Variants in PRDM1 observed in about 807,000 individuals in gnomAD.
The protein encoded by PRDM1 is PR/SET domain 1.
Under a neutral mutation model 62.8 loss-of-function variants are expected in PRDM1, and 13 were observed. The observed-to-expected ratio is 0.21, with a 90% CI of 0.13 to 0.33. The LOEUF is 0.33. Among genes scored for constraint, PRDM1 ranks in the 10% least tolerant of loss-of-function variants. PRDM1 has a pLI of 1.00. For missense variants in PRDM1, 895 were observed against 1,058.8 expected (o/e 0.85, Z 2.15); for synonymous variants, 396 against 417.6 (o/e 0.95, Z 0.63).
At position 106,101,156 on chromosome 6, in the gene PRDM1, C is replaced by A. The variant is rs146132275; in HGVS notation, c.664+1604C>A. ...CTCCTGGCTTTCTTAACATAGTGAG[C>A]CACTTCCACTTAAGGGTCTCCTTAC... On this transcript the variant is annotated intron_variant, in intron 4 of 6. Transcript: ENST00000369096. 1.1e-3 allele frequency among the ~76,000 whole-genome samples: 164 copies of A among 152,190 alleles called. 4 individuals carry two copies. The East Asian group carries it at 0.03, about 28-fold the overall frequency.
intron 1 of PRDM1, among the ~76,000 whole-genome samples, chr6:106,041,281 C>T (rs986238491): frequency 6.6e-6 from 1 of 152,146 alleles, no homozygotes; most frequent in Non-Finnish European, 1.5e-5. Context: ...TACCTGCAAA[C>T]ATTGTATTTT....
At chr6:106,002,971 T>C (rs948341112) in intron 1 of PRDM1, among the ~76,000 whole-genome samples, 6 of 151,956 alleles carry the variant, frequency 3.9e-5, no homozygotes, top group African/African-American at 1.5e-4. Flanking sequence ...ATTTTTACTT[T>C]ATTATAATGC....
chr6:106,107,322 C>A lies in PRDM1; in HGVS notation c.2314C>A (p.Leu772Met), dbSNP rs764596702. The stretch of plus-strand genomic sequence containing the variant: ...CAGAAAAGAGAAAGAAGAAACTGGC[C>A]TGAAAGTGTCTTTGCAAAGAAACAT... ...VVRKEKEETG[L>M]KVSLQRNMGN... Residue 772 changes from leucine to methionine, a missense_variant, in exon 7 of 7, where the codon CTG (leucine) becomes ATG (methionine). Around this residue, in one of 4 missense-constraint regions of PRDM1, gnomAD observed 164 missense variants for 179.9 expected, o/e 0.91. Transcript: ENST00000369096. 1 of 1,614,134 alleles carries A rather than the reference C, an allele frequency of 6.2e-7. No individual in the cohort carries two copies. The highest frequency in any genetic ancestry group is 8.5e-7 in the Non-Finnish European group (1 of 1,180,026).
At chr6:106,057,535 T>C (rs971012572) in intron 1 of PRDM1, among the ~76,000 whole-genome samples, 4 of 152,000 alleles carry the variant, frequency 2.6e-5, no homozygotes, top group Non-Finnish European at 5.9e-5. Flanking sequence ...TGTTGGGGTA[T>C]TTTTTTTCCT....
intron 1 of PRDM1, among the ~76,000 whole-genome samples, chr6:106,073,980 G>A (rs1219752153): frequency 2.6e-5 from 4 of 152,204 alleles, no homozygotes; most frequent in African/African-American, 7.2e-5. Context: ...GTCAGCATCC[G>A]TGGGAGCCAT....
rs1014184773 is a variant in PRDM1, at chr6:106,104,768, G to C, written c.665-57G>C. On this transcript the variant is annotated intron_variant, in intron 4 of 6. Transcript: ENST00000369096. Reference sequence around the variant, plus strand: ...TCAAGAAGGAGGAGCAACTTTGGCAGTTTTGCTTCAGTTCTCTCTAGCCCT... The same window carrying C: ...TCAAGAAGGAGGAGCAACTTTGGCACTTTTGCTTCAGTTCTCTCTAGCCCT... The C allele has an allele frequency of 2.6e-6, 4 of 1,527,700 alleles. No homozygotes were observed. The Admixed American group carries it at 6.6e-5, about 25-fold the overall frequency. 94.6% of individuals were successfully genotyped at this position (1,527,700 alleles called of 1,614,324 possible).
At chr6:106,098,643 T>C (rs904053670) in intron 3 of PRDM1, 43 of 1,335,278 alleles carry the variant, frequency 3.2e-5, no homozygotes, top group Non-Finnish European at 4.1e-5. Context: ...GACTGTCAAA[T>C]TCGGGCTGCT....
In PRDM1 at chr6:106,109,214, G is replaced by A. The variant is rs1232302219; in HGVS notation, c.*1728G>A. ...TACTGTAAGAGACCCTAAAACCTTG[G>A]TGCAGTGGTGGGGACCACAAAACAA... On this transcript the variant is annotated 3_prime_UTR_variant, in exon 7 of 7. Coordinates refer to ENST00000369096, the MANE Select transcript of PRDM1 (RefSeq NM_001198.4). 2 of 229,134 alleles carry A rather than the reference G, an allele frequency of 8.7e-6. No homozygotes were observed. Among genetic ancestry groups the A allele is most frequent in the Non-Finnish European group, 1.7e-5 (2 of 115,264 alleles). The allele number at this position is 229,134 out of a possible 1,614,324, so 14.2% of individuals were successfully genotyped here. A position where few individuals can be genotyped will look rare whatever the true frequency, so the allele number is the denominator to read the frequency against.
intron 1 of PRDM1, among the ~76,000 whole-genome samples, chr6:106,069,337 T>TA (rs200997941): frequency 7.1e-4 from 105 of 148,872 alleles, no homozygotes; most frequent in South Asian, 2.8e-3. Context: ...CACAGAGCTT[T>TA]AAAAAAAAAA....
At chr6:106,059,258 C>A (rs141945364) in intron 1 of PRDM1, among the ~76,000 whole-genome samples, 1 of 152,090 alleles carries the variant, frequency 6.6e-6, no homozygotes, top group African/African-American at 2.4e-5. Context: ...AATAGAGAAA[C>A]AGGCTAGGAC....
chr6:106,029,062 A>C (rs941862792), intron 1 of PRDM1, among the ~76,000 whole-genome samples: 25 of 151,722 alleles, frequency 1.6e-4, no homozygotes, highest in Non-Finnish European at 7.4e-5. Context: ...CTGGGACTAC[A>C]GGCGCACGCC....
At chr6:106,018,738 T>C (rs1445577900) in intron 1 of PRDM1, among the ~76,000 whole-genome samples, 1 of 152,118 alleles carries the variant, frequency 6.6e-6, no homozygotes, top group Non-Finnish European at 1.5e-5. Context: ...TCACATCATA[T>C]CAAAAGTATA....
intron 1 of PRDM1, among the ~76,000 whole-genome samples, chr6:105,996,231 C>T (rs527543472): frequency 2.9e-4 from 44 of 152,150 alleles, no homozygotes; most frequent in Admixed American, 5.9e-4. Flanking sequence ...TAATCTGAAT[C>T]GGTGTTGTCA....
chr6:106,066,813 G>A (rs1362862479), intron 1 of PRDM1, among the ~76,000 whole-genome samples: 2 of 152,040 alleles, frequency 1.3e-5, no homozygotes, highest in African/African-American at 4.8e-5. Flanking sequence ...GTCAGTTATG[G>A]ATCCGAGTAT....
At chr6:105,999,515 T>G (rs1466954980) in intron 1 of PRDM1, among the ~76,000 whole-genome samples, 3 of 152,180 alleles carry the variant, frequency 2.0e-5, no homozygotes, top group African/African-American at 7.2e-5. Flanking sequence ...CTGTGGACTT[T>G]GATTATGTGT....
Position 106,109,047 on chromosome 6 carries a change from A to T in PRDM1, c.*1561A>T, listed in dbSNP as rs1398973474. On this transcript the variant is annotated 3_prime_UTR_variant, in exon 7 of 7. Coordinates refer to ENST00000369096, the MANE Select transcript of PRDM1 (RefSeq NM_001198.4). ...TATGTATATATATTTATAACCACTTAAATTGTGAGCCAAGCCATGTAAAAG... is the reference window on the plus strand; with the variant it reads ...TATGTATATATATTTATAACCACTTTAATTGTGAGCCAAGCCATGTAAAAG... 4.6e-6 allele frequency: 1 copy of T among 215,290 alleles called. No homozygotes were observed. The highest frequency in any genetic ancestry group is 9.4e-6 in the Non-Finnish European group (1 of 106,772). The allele number at this position is 215,290 out of a possible 1,614,324, so 13.3% of individuals were successfully genotyped here. A position where few individuals can be genotyped will look rare whatever the true frequency, so the allele number is the denominator to read the frequency against.
intron 1 of PRDM1, among the ~76,000 whole-genome samples, chr6:106,056,277 G>A (rs1162856253): frequency 6.6e-6 from 1 of 152,184 alleles, no homozygotes; most frequent in Non-Finnish European, 1.5e-5. Context: ...AGCACGGAGA[G>A]TCTGCACTCA....
chr6:106,069,903 G>A (rs9386507), intron 1 of PRDM1, among the ~76,000 whole-genome samples: 10,802 of 152,218 alleles, frequency 0.071, 535 homozygotes, highest in East Asian at 0.16. Flanking sequence ...ATTATTTGTG[G>A]CCTGTGACTG....
At chr6:106,019,802 G>A (rs939294477) in intron 1 of PRDM1, among the ~76,000 whole-genome samples, 5 of 151,682 alleles carry the variant, frequency 3.3e-5, no homozygotes, top group Non-Finnish European at 4.4e-5. Context: ...ACCATGAGCA[G>A]CTAATATTTG....
Sources: gnomAD v4.1 joint callset for allele counts (sites outside exome capture counted in the v4.1 genomes callset) on GRCh38, gnomAD v4.1.1 for gene constraint, gnomAD v4.1.1 regional missense constraint, MANE v1.5 for transcripts, NCBI Gene and HGNC (gene_info 2026-07-23, HGNC 2026-07-21) for gene names.